Variants in NAV2 observed in about 807,000 individuals in gnomAD.
The protein encoded by NAV2 is neuron navigator 2.
In NAV2, 54 loss-of-function variants were observed where a neutral mutation model predicts 223.2. That is an observed-to-expected ratio of 0.24 (90% CI 0.19 to 0.30). The LOEUF (loss-of-function observed/expected upper bound fraction) is 0.30. NAV2 is among the 10% of genes least tolerant of loss of function. The probability of loss-of-function intolerance (pLI) is 1.00; values close to 1 mark genes in which losing one functional copy is unlikely to be tolerated. For synonymous variants in NAV2, 1,279 were observed against 1,239.3 expected (o/e 1.03, Z -0.67); for missense variants, 2,806 against 3,147.5 (o/e 0.89, Z 2.60).
chr11:19,524,711 T>C (rs1436370267), intron 1 of NAV2, among the ~76,000 whole-genome samples: 1 of 152,206 alleles, frequency 6.6e-6, no homozygotes, highest in East Asian at 1.9e-4. Flanking sequence ...GTTTTTATCT[T>C]TTTTTAAGAT....
intron 6 of NAV2, among the ~76,000 whole-genome samples, chr11:19,927,038 A>G (rs757593882): frequency 9.9e-5 from 15 of 152,258 alleles, no homozygotes; most frequent in Non-Finnish European, 2.1e-4. Flanking sequence ...GGTTCCTGTC[A>G]GGGAAGGTTA....
At chr11:19,795,814 A>G (rs1257675898) in intron 1 of NAV2, among the ~76,000 whole-genome samples, 1 of 152,214 alleles carries the variant, frequency 6.6e-6, no homozygotes, top group Non-Finnish European at 1.5e-5. Flanking sequence ...CATGGGACAA[A>G]TTGTGGCTAT....
chr11:19,607,396 G>A (rs914690045), intron 1 of NAV2, among the ~76,000 whole-genome samples: 4 of 152,164 alleles, frequency 2.6e-5, no homozygotes, highest in Non-Finnish European at 5.9e-5. Flanking sequence ...ATGAGCTCTG[G>A]GGAAGGCAGC....
chr11:19,687,309 G>T (rs2049050931), intron 1 of NAV2, among the ~76,000 whole-genome samples: 1 of 152,210 alleles, frequency 6.6e-6, no homozygotes, highest in Non-Finnish European at 1.5e-5. Flanking sequence ...TTCTTATCCA[G>T]ATAGTCAATC....
intron 1 of NAV2, among the ~76,000 whole-genome samples, chr11:19,553,681 C>T (rs1333061434): frequency 6.6e-6 from 1 of 152,254 alleles, no homozygotes; most frequent in Admixed American, 6.5e-5. Context: ...ATGTATTTAA[C>T]AGAAGAGCAC....
intron 3 of NAV2, among the ~76,000 whole-genome samples, chr11:19,858,739 A>T (rs1234539309): frequency 6.6e-6 from 1 of 152,242 alleles, no homozygotes; most frequent in African/African-American, 2.4e-5. Context: ...TTTTTTGGAT[A>T]GATAGTTCTG....
At chr11:19,368,403 G>A (rs60294331) in intron 1 of NAV2, among the ~76,000 whole-genome samples, 2,347 of 152,292 alleles carry the variant, frequency 0.015, 74 homozygotes, top group African/African-American at 0.054. Context: ...CTGATGGAAT[G>A]TTAAAGGGGC....
chr11:20,105,839 C>A, intron 35 of NAV2, 112 bp downstream of exon 35: 1 of 850,386 alleles, frequency 1.2e-6, no homozygotes, highest in Non-Finnish European at 1.8e-6. Flanking sequence ...CTGGACTGTC[C>A]ATAAAGATAG....
At chr11:19,855,278 C>T (rs2061354374) in intron 3 of NAV2, among the ~76,000 whole-genome samples, 1 of 152,148 alleles carries the variant, frequency 6.6e-6, no homozygotes, top group African/African-American at 2.4e-5. Flanking sequence ...TAATTATCCC[C>T]ATTTTACTGA....
At chr11:19,522,660 G>C (rs2043703352) in intron 1 of NAV2, among the ~76,000 whole-genome samples, 1 of 152,194 alleles carries the variant, frequency 6.6e-6, no homozygotes, top group South Asian at 2.1e-4. Context: ...GCCAGCATTT[G>C]AAGTGTTGGG....
At chr11:19,664,680 A>T (rs896972230) in intron 1 of NAV2, among the ~76,000 whole-genome samples, 2 of 152,190 alleles carry the variant, frequency 1.3e-5, no homozygotes, top group Non-Finnish European at 2.9e-5. Flanking sequence ...GATACCACCC[A>T]ATTCTTGGGC....
chr11:19,551,778 G>A (rs900142872), intron 1 of NAV2, among the ~76,000 whole-genome samples: 4 of 152,168 alleles, frequency 2.6e-5, no homozygotes, highest in Non-Finnish European at 4.4e-5. Context: ...TGCATTTCAC[G>A]TGTGGAGCAT....
rs1190193589 is a variant in NAV2 at position 19,990,904 on chromosome 11, A to G, written c.2768+6657A>G. ...AGCACTGATAGAAACCATCACAGTT[A>G]TATTGCCAAGGAAGCTATAAAGAAA... On this transcript the variant is annotated intron_variant, in intron 11 of 37. Coordinates refer to ENST00000349880, the MANE Select transcript of NAV2 (RefSeq NM_145117.5). Among the ~76,000 whole-genome samples the G allele has an allele frequency of 3.9e-5, 6 of 152,200 alleles. No individual in the cohort carries two copies. The East Asian group carries it at 9.6e-4, about 24-fold the overall frequency.
Position 19,864,666 on chromosome 11 carries a change from G to A in NAV2, c.439-4259G>A, listed in dbSNP as rs542442460. ...ATGGAAGTTGCCCTGCAAGTCTAAA[G>A]GTCAGGGACTGTTGAGAAACTAAAC... On this transcript the variant is annotated intron_variant, in intron 3 of 37. Coordinates refer to ENST00000349880, the MANE Select transcript of NAV2 (RefSeq NM_145117.5). 2.2e-4 allele frequency among the ~76,000 whole-genome samples: 33 copies of A among 152,322 alleles called. No individual in the cohort carries two copies. In the South Asian group the frequency reaches 6.8e-3, roughly 32 times the overall value.
intron 12 of NAV2, among the ~76,000 whole-genome samples, chr11:20,036,696 CT>C (rs143794006): frequency 0.011 from 1,745 of 152,290 alleles, 12 homozygotes; most frequent in Middle Eastern, 0.031. Context: ...AAATGTCTTC[CT>C]GGTTGCTCTT....
At chr11:20,004,917 A>T (rs1388321941) in intron 11 of NAV2, among the ~76,000 whole-genome samples, 2 of 152,162 alleles carry the variant, frequency 1.3e-5, no homozygotes, top group East Asian at 3.9e-4. Context: ...CAGCTCAGTC[A>T]CTTGCTAACC....
At chr11:19,348,305 G>A (rs969595860), upstream of NAV2, among the ~76,000 whole-genome samples, 4 of 152,188 alleles carry the variant, frequency 2.6e-5, no homozygotes, top group Non-Finnish European at 4.4e-5. Context: ...CCAAGCAGGA[G>A]ACCCTTTTTG....
intron 1 of NAV2, among the ~76,000 whole-genome samples, chr11:19,735,416 A>T (rs1313717341): frequency 1.3e-5 from 2 of 152,188 alleles, no homozygotes; most frequent in Non-Finnish European, 1.5e-5. Flanking sequence ...GCCCCCAAAG[A>T]TCTATATCAG....
chr11:19,814,976 C>T (rs554800372), intron 1 of NAV2, among the ~76,000 whole-genome samples: 4 of 151,980 alleles, frequency 2.6e-5, no homozygotes, highest in South Asian at 2.1e-4. Flanking sequence ...GTGTGCTTCT[C>T]TTATCTGCTT....
Sources: allele counts gnomAD v4.1 joint callset (sites outside exome capture counted in the v4.1 genomes callset), GRCh38; gene constraint gnomAD v4.1.1; transcripts MANE v1.5; gene names NCBI Gene and HGNC (gene_info 2026-07-23, HGNC 2026-07-21).